GPC3: variants seen among roughly 807,000 people sequenced by gnomAD.
The protein encoded by GPC3 is glypican-3.
In GPC3, 3 loss-of-function variants were observed where a neutral mutation model predicts 34.4. The observed-to-expected ratio is 0.09, with a 90% CI of 0.04 to 0.23. GPC3 has a LOEUF of 0.23. GPC3 is among the 10% of genes least tolerant of loss of function. The pLI is 1.00. For missense variants in GPC3, 351 were observed against 445.6 expected (o/e 0.79, Z 1.91); for synonymous variants, 177 against 174.0 (o/e 1.02, Z -0.13).
chrX:133,586,797 CT>C (rs774221894), intron 7 of GPC3, among the ~76,000 whole-genome samples: 1 of 111,281 alleles, frequency 9.0e-6, no homozygotes, highest in East Asian at 2.8e-4. Flanking sequence ...TGGAGAACAT[CT>C]TTTTTTTCAG....
intron 5 of GPC3, among the ~76,000 whole-genome samples, chrX:133,669,242 C>T (rs2070802774): frequency 8.9e-6 from 1 of 112,045 alleles, no homozygotes; most frequent in Non-Finnish European, 1.9e-5. Flanking sequence ...TAGACACATA[C>T]GAAAGACTAT....
chrX:133,820,046 C>A (rs2124534562), intron 2 of GPC3, among the ~76,000 whole-genome samples: 1 of 111,906 alleles, frequency 8.9e-6, no homozygotes, highest in South Asian at 3.8e-4. Context: ...GGCCACATAG[C>A]TAACCATAAC....
chrX:133,599,788 A>G (rs1457987857), intron 6 of GPC3, among the ~76,000 whole-genome samples: 1 of 111,951 alleles, frequency 8.9e-6, no homozygotes, highest in East Asian at 2.8e-4. Context: ...TTATGTTTAG[A>G]TATAGATTAG....
intron 2 of GPC3, among the ~76,000 whole-genome samples, chrX:133,761,475 A>T (rs1409796008): frequency 1.8e-5 from 2 of 112,264 alleles, no homozygotes; most frequent in Non-Finnish European, 1.9e-5. Context: ...CTTGCTTTTT[A>T]AATTTCACAC....
At chrX:133,856,936 G>A (rs778722740) in intron 2 of GPC3, among the ~76,000 whole-genome samples, 9 of 112,000 alleles carry the variant, frequency 8.0e-5, no homozygotes, top group African/African-American at 1.3e-4. Flanking sequence ...TAATTACTGC[G>A]TGCTTCTAAT....
chrX:133,953,088 A>C lies in GPC3; in HGVS notation c.299T>G (p.Leu100Arg). 8.3e-7 allele frequency: 1 copy of C among 1,209,245 alleles called. No individual in the cohort carries two copies. Among genetic ancestry groups the C allele is most frequent in the Non-Finnish European group, 1.1e-6 (1 of 893,193 alleles). The change falls in exon 2 of 8, where the codon CTC becomes CGC. Residue 100 changes from leucine (L) to arginine (R), a missense_variant. By Grantham distance (102) the Leu-to-Arg change is moderately radical. Transcript: ENST00000370818. ...AGCATTCTGAATAATTAAGAACTTG[A>C]GCTCCATACTTGCAGACTGAAGCAG... ...EQLLQSASMELKFLIIQNAAV... is the reference protein window; with the variant it reads ...EQLLQSASMERKFLIIQNAAV...
In GPC3 at chrX:133,754,405, T is replaced by C. The variant is rs1402653749; in HGVS notation, c.338-229A>G. Among the ~76,000 whole-genome samples, 3 of 111,947 alleles carry C rather than the reference T, an allele frequency of 2.7e-5. No individual in the cohort carries two copies. In the Admixed American group the frequency reaches 2.9e-4, roughly 11 times the overall value. On this transcript the variant is annotated intron_variant, in intron 2 of 7. Coordinates refer to ENST00000370818, the MANE Select transcript of GPC3 (RefSeq NM_004484.4). ...TGAAGTCCAGATTCTGATGTGCACA[T>C]AAATTCTTAAACACACAAATTATAT...
chrX:133,578,685 A>AAAAAC (rs1250597346), intron 7 of GPC3, among the ~76,000 whole-genome samples: 3 of 111,839 alleles, frequency 2.7e-5, no homozygotes, highest in Non-Finnish European at 3.8e-5. Flanking sequence ...TCTCAAAACA[A>AAAAAC]AAAACAAAAC....
At chrX:133,881,003 G>A (rs967214651) in intron 2 of GPC3, among the ~76,000 whole-genome samples, 2 of 112,151 alleles carry the variant, frequency 1.8e-5, no homozygotes, top group African/African-American at 6.5e-5. Flanking sequence ...GCTTTTTAAA[G>A]TAATTAACCA....
At chrX:133,680,166 C>A (rs1247176141) in intron 5 of GPC3, among the ~76,000 whole-genome samples, 3 of 111,605 alleles carry the variant, frequency 2.7e-5, no homozygotes, top group Non-Finnish European at 5.6e-5. Flanking sequence ...CTTTTTCTAG[C>A]CCATTCTAAG....
intron 3 of GPC3, among the ~76,000 whole-genome samples, chrX:133,737,456 G>A (rs1329622181): frequency 8.9e-6 from 1 of 111,873 alleles, no homozygotes; most frequent in African/African-American, 3.3e-5. Flanking sequence ...GTGTGGAGGA[G>A]GTAAGAGGTA....
intron 7 of GPC3, among the ~76,000 whole-genome samples, chrX:133,551,788 T>C (rs1247811144): frequency 9.0e-6 from 1 of 111,421 alleles, no homozygotes; most frequent in African/African-American, 3.3e-5. Context: ...CACCTCAGTT[T>C]CCCTCCTGTG....
chrX:133,726,902 C>T (rs1483290138), intron 3 of GPC3, among the ~76,000 whole-genome samples: 1 of 111,799 alleles, frequency 8.9e-6, no homozygotes, highest in Admixed American at 9.5e-5. Context: ...ATGACTGACA[C>T]CTGTATGTTC....
intron 6 of GPC3, among the ~76,000 whole-genome samples, chrX:133,648,682 C>T (rs1397847254): frequency 9.0e-6 from 1 of 111,444 alleles, no homozygotes; most frequent in Non-Finnish European, 1.9e-5. Context: ...CCACCTTTTC[C>T]ATCTCATCTT....
intron 2 of GPC3, chrX:133,763,514 C>T: frequency 1.8e-6 from 1 of 550,446 alleles, no homozygotes; most frequent in Non-Finnish European, 3.3e-6. Flanking sequence ...GAGTTCACTG[C>T]TACTCAGCCT....
chrX:133,808,747 TA>T (rs200626423), intron 2 of GPC3, among the ~76,000 whole-genome samples: 137 of 104,149 alleles, frequency 1.3e-3, no homozygotes, highest in Admixed American at 2.7e-3. Context: ...CATGAGTATT[TA>T]AAAAAAAAAA....
At chrX:133,978,288 T>A (rs892220500) in intron 1 of GPC3, among the ~76,000 whole-genome samples, 3 of 112,137 alleles carry the variant, frequency 2.7e-5, no homozygotes, top group African/African-American at 9.7e-5. Flanking sequence ...AGGTAAGAAA[T>A]GCCGAACACT....
intron 2 of GPC3, among the ~76,000 whole-genome samples, chrX:133,791,797 TTTCCTTCCTTCC>T (rs199692354): frequency 0.068 from 5,419 of 80,151 alleles, 218 homozygotes; most frequent in African/African-American, 0.085. Context: ...TCCTTTTTCT[TTTCCTTCCTTCC>T]TTCCTTCCTT....
At chrX:133,891,351 C>T (rs2076086276) in intron 2 of GPC3, among the ~76,000 whole-genome samples, 1 of 111,254 alleles carries the variant, frequency 9.0e-6, no homozygotes, top group Non-Finnish European at 1.9e-5. Context: ...ATAAAAATAT[C>T]CCAAAACTGA....
Sources: gnomAD v4.1 joint callset for allele counts (sites outside exome capture counted in the v4.1 genomes callset) on GRCh38, gnomAD v4.1.1 for gene constraint, MANE v1.5 for transcripts, NCBI Gene and HGNC (gene_info 2026-07-23, HGNC 2026-07-21) for gene names.